KIAA1671: variants seen among roughly 807,000 people sequenced by gnomAD.
KIAA1671 encodes uncharacterized protein KIAA1671.
In KIAA1671, 52 loss-of-function variants were observed where a neutral mutation model predicts 131.2. That is an observed-to-expected ratio of 0.40 (90% CI 0.32 to 0.50). KIAA1671 has a LOEUF of 0.50. Among genes scored for constraint, KIAA1671 ranks in the 20% least tolerant of loss-of-function variants. The probability of loss-of-function intolerance (pLI) is 0.73; values close to 1 mark genes in which losing one functional copy is unlikely to be tolerated. For missense variants in KIAA1671, 2,360 were observed against 2,364.2 expected (o/e 1.00, Z 0.04); for synonymous variants, 1,003 against 961.6 (o/e 1.04, Z -0.80).
At chr22:24,997,396 T>C (rs1414785748) in intron 1 of KIAA1671, among the ~76,000 whole-genome samples, 2 of 152,224 alleles carry the variant, frequency 1.3e-5, no homozygotes, top group Non-Finnish European at 2.9e-5. Flanking sequence ...CATCCCAGGA[T>C]GGAATTCTTC....
At chr22:25,138,999 G>A (rs1267734154) in intron 6 of KIAA1671, among the ~76,000 whole-genome samples, 1 of 152,172 alleles carries the variant, frequency 6.6e-6, no homozygotes, top group Non-Finnish European at 1.5e-5. Flanking sequence ...AACAACTTCA[G>A]TGCTTGAGCA....
intron 6 of KIAA1671, among the ~76,000 whole-genome samples, chr22:25,158,241 C>A (rs1237645952): frequency 6.6e-6 from 1 of 152,218 alleles, no homozygotes; most frequent in East Asian, 1.9e-4. Flanking sequence ...ATAGCAGTGT[C>A]ATTCTGACAT....
Position 25,190,699 on chromosome 22 carries a change from C to G in KIAA1671, c.5343-3C>G. On this transcript the variant is annotated splice_polypyrimidine_tract_variant and splice_region_variant and intron_variant, in intron 11 of 12. Coordinates refer to ENST00000358431, the MANE Select transcript of KIAA1671 (RefSeq NM_001145206.2). ...TAGTCTCTTACTGGCTTTGTGGTTT[C>G]AGGTCGGATGAACCCTCTCCCCAGT... The G allele has an allele frequency of 6.4e-7, 1 of 1,551,280 alleles. No homozygotes were observed. Among genetic ancestry groups the G allele is most frequent in the Non-Finnish European group, 8.7e-7 (1 of 1,146,530 alleles).
At chr22:24,987,183 T>A (rs1022158303) in intron 1 of KIAA1671, among the ~76,000 whole-genome samples, 37 of 149,704 alleles carry the variant, frequency 2.5e-4, no homozygotes, top group African/African-American at 9.0e-4. Context: ...TTTTTTTTTT[T>A]TTTCTGAGAC....
rs1934062607 is a variant in KIAA1671 at position 25,177,203 on chromosome 22, T to C, written c.4900-145T>C. On this transcript the variant is annotated intron_variant, in intron 8 of 12. Transcript: ENST00000358431. ...ATTTAGGCTTTGGGTGTTAGGTTAC[T>C]ATTAAAATGTGGAAGCCCTGGCCTA... 3 of 729,218 alleles carry C rather than the reference T, an allele frequency of 4.1e-6. 1 individual carries two copies. The highest frequency in any genetic ancestry group is 3.9e-5 in the South Asian group (2 of 51,020). The allele number at this position is 729,218 out of a possible 1,614,324, so 45.2% of individuals were successfully genotyped here.
At chr22:25,138,691 T>C (rs1345916858) in intron 6 of KIAA1671, among the ~76,000 whole-genome samples, 1 of 152,238 alleles carries the variant, frequency 6.6e-6, no homozygotes, top group Non-Finnish European at 1.5e-5. Flanking sequence ...GACTGGAACC[T>C]GTGATGTGAA....
At chr22:24,994,272 A>G (rs1923993678) in intron 1 of KIAA1671, among the ~76,000 whole-genome samples, 1 of 151,868 alleles carries the variant, frequency 6.6e-6, no homozygotes, top group Non-Finnish European at 1.5e-5. Flanking sequence ...GTGGTGTCAT[A>G]GGTTGGGTTC....
intron 6 of KIAA1671, among the ~76,000 whole-genome samples, chr22:25,142,468 C>T (rs772497698): frequency 1.3e-5 from 2 of 152,208 alleles, no homozygotes; most frequent in Non-Finnish European, 1.5e-5. Context: ...GCACCATCCC[C>T]CTGCACTGGT....
chr22:25,121,416 C>G (rs1045524269), intron 6 of KIAA1671, among the ~76,000 whole-genome samples: 15 of 149,454 alleles, frequency 1.0e-4, no homozygotes, highest in Non-Finnish European at 1.9e-4. Context: ...GAGCCAAGAT[C>G]ACGCCACTGC....
chr22:25,141,983 C>A (rs1381196296), intron 6 of KIAA1671, among the ~76,000 whole-genome samples: 1 of 152,210 alleles, frequency 6.6e-6, no homozygotes, highest in Non-Finnish European at 1.5e-5. Context: ...TAACCTTTAC[C>A]TTACAGGGAA....
At position 25,039,499 on chromosome 22, in the gene KIAA1671, C is replaced by T. The variant is rs1310637616; in HGVS notation, c.2369C>T (p.Ala790Val). The T allele has an allele frequency of 1.0e-5, 16 of 1,551,646 alleles. No individual in the cohort carries two copies. Among genetic ancestry groups the T allele is most frequent in the East Asian group, 2.4e-5 (1 of 40,916 alleles). ...CTGGAGTGTGGTTTGGAAGGTCAGG[C>T]GGGGTCCGTCCAAAGGGCCAGTTTG... is the stretch of plus-strand genomic sequence containing the variant. ...ADLECGLEGQAGSVQRASLIW... is the reference protein window; with the variant it reads ...ADLECGLEGQVGSVQRASLIW... Residue 790 changes from alanine (A) to valine (V), a missense_variant, in exon 5 of 13, where the codon GCG becomes GTG. Ala to Val is a moderately conservative substitution (Grantham distance 64). This residue lies in a region of KIAA1671 where 1,185 missense variants were observed against 1,126.2 expected (regional missense o/e 1.05). Transcript: ENST00000358431.
At chr22:25,178,465 G>T (rs1934122640) in intron 9 of KIAA1671, among the ~76,000 whole-genome samples, 1 of 152,276 alleles carries the variant, frequency 6.6e-6, no homozygotes, top group South Asian at 2.1e-4. Context: ...GCACTCCAAA[G>T]GGCTCTAGGG....
At chr22:24,976,540 G>A (rs528999323) in intron 1 of KIAA1671, among the ~76,000 whole-genome samples, 155 of 152,276 alleles carry the variant, frequency 1.0e-3, no homozygotes, top group African/African-American at 3.7e-3. Flanking sequence ...AGCTGTCTGG[G>A]TGAGGCTCGA....
At chr22:25,026,548 T>C (rs1385990805) in intron 2 of KIAA1671, among the ~76,000 whole-genome samples, 6 of 152,052 alleles carry the variant, frequency 3.9e-5, no homozygotes, top group Admixed American at 3.9e-4. Context: ...CTGGCCAACA[T>C]GGAGAAACCC....
In KIAA1671 at chr22:25,195,810, G is replaced by A. The variant is rs1462017592; in HGVS notation, c.*3409G>A. ...AAACTGTAAAAATCCCTCCTCCCCA[G>A]TGTAGATATTTAAACCAGAGTAAGT... On this transcript the variant is annotated 3_prime_UTR_variant, in exon 13 of 13. Transcript: ENST00000358431. 3 of 149,852 alleles carry A rather than the reference G, an allele frequency of 2.0e-5. No homozygotes were observed. Among genetic ancestry groups the A allele is most frequent in the African/African-American group, 4.8e-5 (2 of 41,318 alleles). The allele number at this position is 149,852 out of a possible 1,614,324, so 9.3% of individuals were successfully genotyped here.
chr22:25,064,027 GA>G (rs1177348913), intron 6 of KIAA1671: 1 of 152,236 alleles, frequency 6.6e-6, no homozygotes, highest in African/African-American at 2.4e-5. Context: ...TCACAGCTAA[GA>G]TTTTTTTTGT....
At chr22:25,174,743 C>T (rs1933966582) in intron 8 of KIAA1671, 1 of 417,130 alleles carries the variant, frequency 2.4e-6, no homozygotes, top group Non-Finnish European at 4.2e-6. Context: ...ATCAGCTCCA[C>T]AGCCTCAAAT....
intron 6 of KIAA1671, among the ~76,000 whole-genome samples, chr22:25,067,904 C>T (rs1328969519): frequency 2.0e-5 from 3 of 152,278 alleles, no homozygotes; most frequent in Non-Finnish European, 4.4e-5. Flanking sequence ...GTTAGCGGGG[C>T]CTAACCCCAG....
At chr22:25,046,943 T>C (rs1269477793) in intron 5 of KIAA1671, among the ~76,000 whole-genome samples, 1 of 151,252 alleles carries the variant, frequency 6.6e-6, no homozygotes. Context: ...TTTCCACCTT[T>C]CTGTTTTTCA....
Sources: allele counts gnomAD v4.1 joint callset (sites outside exome capture counted in the v4.1 genomes callset), GRCh38; gene constraint gnomAD v4.1.1; regional missense constraint gnomAD v4.1.1; transcripts MANE v1.5; gene names NCBI Gene and HGNC (gene_info 2026-07-23, HGNC 2026-07-21).